UBE2E3: variants seen among roughly 807,000 people sequenced by gnomAD.
UBE2E3 encodes ubiquitin-conjugating enzyme E2 E3.
A neutral mutation model predicts 23.6 loss-of-function variants in UBE2E3; 5 were observed. The ratio of observed to expected loss-of-function variants is 0.21; its 90% CI spans 0.11 to 0.44. The LOEUF (loss-of-function observed/expected upper bound fraction) is 0.44, where lower values mean the gene tolerates loss of function less well. Ranked by LOEUF, UBE2E3 falls within the 20% of genes least tolerant of loss-of-function variation. UBE2E3 has a pLI of 0.99. For synonymous variants in UBE2E3, 78 were observed against 87.5 expected, an observed-to-expected ratio of 0.89 and a Z score of 0.60; for missense variants, 81 against 249.8, an observed-to-expected ratio of 0.32 and a Z score of 4.55.
intron 4 of UBE2E3, among the ~76,000 whole-genome samples, chr2:181,059,763 A>G (rs1687089052): frequency 6.6e-6 from 1 of 151,650 alleles, no homozygotes; most frequent in South Asian, 2.1e-4. Context: ...CTCCTCCCCC[A>G]CTAAACTAGT....
chr2:180,984,186 A>G, intron 3 of UBE2E3, 93 bp downstream of exon 3: 2 of 1,097,090 alleles, frequency 1.8e-6, no homozygotes, highest in Non-Finnish European at 2.6e-6. Flanking sequence ...CAGAGGAGAC[A>G]ACATTTGCTT....
intron 3 of UBE2E3, among the ~76,000 whole-genome samples, chr2:181,032,851 C>G (rs975079906): frequency 9.9e-5 from 15 of 152,246 alleles, no homozygotes; most frequent in Non-Finnish European, 1.6e-4. Context: ...GATACAAAAT[C>G]AATGTGCAAA....
intron 3 of UBE2E3, among the ~76,000 whole-genome samples, chr2:181,044,165 G>T (rs1344263811): frequency 6.6e-6 from 1 of 151,928 alleles, no homozygotes; most frequent in Non-Finnish European, 1.5e-5. Context: ...ACAATTTCTG[G>T]TCTTTGGTAG....
chr2:181,018,412 A>T (rs140524466), intron 3 of UBE2E3, among the ~76,000 whole-genome samples: 2,384 of 151,908 alleles, frequency 0.016, 35 homozygotes, highest in Non-Finnish European at 0.02. Context: ...TAATATTTTT[A>T]TCTGTGTATA....
chr2:180,999,762 T>A (rs768668261), intron 3 of UBE2E3, among the ~76,000 whole-genome samples: 1 of 152,226 alleles, frequency 6.6e-6, no homozygotes, highest in Non-Finnish European at 1.5e-5. Context: ...GCTTTACAAT[T>A]GAGTAACTGT....
chr2:181,014,277 T>A (rs1014741207), intron 3 of UBE2E3, among the ~76,000 whole-genome samples: 1 of 152,128 alleles, frequency 6.6e-6, no homozygotes, highest in African/African-American at 2.4e-5. Context: ...TTTGAGTTAC[T>A]TAAGGGATAT....
Position 181,062,782 on chromosome 2 carries a change from CT to C in UBE2E3, c.527-5del. On this transcript the variant is annotated splice_polypyrimidine_tract_variant and splice_region_variant and intron_variant, in intron 5 of 5. Transcript: ENST00000410062. ...AAAATAGCTTTTAATGTTCTTTCTG[CT>C]TTTCCAGCGGATCCTCTGGTTGGAA... 6.3e-7 allele frequency: 1 copy of C among 1,578,400 alleles called. No homozygotes were observed. The highest frequency in any genetic ancestry group is 8.7e-7 in the Non-Finnish European group (1 of 1,153,686).
chr2:180,980,367 G>T (rs1275371179), upstream of UBE2E3: 1 of 151,914 alleles, frequency 6.6e-6, no homozygotes, highest in African/African-American at 2.4e-5. This position sits in a 1 kb window ranked among gnomAD's most constrained non-coding sequence, Gnocchi z 5.5. Context: ...TCTGGCACAG[G>T]CTCCGCGGCC....
chr2:181,056,657 G>A (rs1012391710), intron 3 of UBE2E3, among the ~76,000 whole-genome samples: 3 of 151,712 alleles, frequency 2.0e-5, no homozygotes, highest in African/African-American at 7.3e-5. Flanking sequence ...CGCGTTTGGG[G>A]GTCAGATTTC....
intron 3 of UBE2E3, among the ~76,000 whole-genome samples, chr2:181,033,321 C>G (rs1301992569): frequency 2.0e-5 from 3 of 152,120 alleles, no homozygotes; most frequent in African/African-American, 7.2e-5. Flanking sequence ...GGTACTGGTA[C>G]CAAAACGGAG....
chr2:181,055,542 T>G (rs1213367181), intron 3 of UBE2E3, among the ~76,000 whole-genome samples: 1 of 151,728 alleles, frequency 6.6e-6, no homozygotes, highest in Non-Finnish European at 1.5e-5. Context: ...TACCTGGATT[T>G]TAGGACTGGA....
chr2:181,010,444 T>C (rs1380267463), intron 3 of UBE2E3, among the ~76,000 whole-genome samples: 1 of 152,132 alleles, frequency 6.6e-6, no homozygotes, highest in Non-Finnish European at 1.5e-5. Flanking sequence ...AGCATGTCAG[T>C]CTTATAATCT....
intron 3 of UBE2E3, among the ~76,000 whole-genome samples, chr2:180,997,548 T>A (rs926460037): frequency 1.3e-5 from 2 of 152,170 alleles, no homozygotes; most frequent in African/African-American, 4.8e-5. Flanking sequence ...TCCCTTCTCA[T>A]CTCCCCTAGG....
chr2:181,049,450 A>G (rs554932501), intron 3 of UBE2E3, among the ~76,000 whole-genome samples: 1 of 152,130 alleles, frequency 6.6e-6, no homozygotes, highest in East Asian at 1.9e-4. Context: ...ACTTGTAGAA[A>G]TGTTTTCATC....
In UBE2E3 at chr2:180,983,036, A is replaced by G. The variant is rs140444573; in HGVS notation, c.194+800A>G. Among the ~76,000 whole-genome samples the G allele has an allele frequency of 1.4e-3, 206 of 152,336 alleles. 1 individual carries two copies. Among genetic ancestry groups the G allele is most frequent in the African/African-American group, 4.7e-3 (195 of 41,578 alleles). ...TGATGGAGAAAAAAAGATTCTGTCAATGAGACTCTTATCAGTGGTAGTAGT... is the reference window on the plus strand; with the variant it reads ...TGATGGAGAAAAAAAGATTCTGTCAGTGAGACTCTTATCAGTGGTAGTAGT... On this transcript the variant is annotated intron_variant, in intron 2 of 5. Coordinates refer to ENST00000410062, the MANE Select transcript of UBE2E3 (RefSeq NM_006357.4).
Position 181,022,493 on chromosome 2 carries a change from C to T in UBE2E3, c.246-35200C>T, listed in dbSNP as rs192558959. ...TTATGTTTCTGTTGAAAAACATCTT[C>T]TCAGTGTATATTGTTGATTCATTAA... On this transcript the variant is annotated intron_variant, in intron 3 of 5. Coordinates refer to ENST00000410062, the MANE Select transcript of UBE2E3 (RefSeq NM_006357.4). 7.1e-3 allele frequency among the ~76,000 whole-genome samples: 1,082 copies of T among 151,944 alleles called. 14 individuals are homozygous for T. Among genetic ancestry groups the T allele is most frequent in the Non-Finnish European group, 8.6e-3 (583 of 67,948 alleles).
At position 181,003,137 on chromosome 2, in the gene UBE2E3, A is replaced by G. The variant is rs150679291; in HGVS notation, c.245+19044A>G. On this transcript the variant is annotated intron_variant, in intron 3 of 5. Transcript: ENST00000410062. Reference sequence around the variant, plus strand: ...TCACTTTTGTGACAGGAAGTATAATATATGTGCCTTAATTAGTATTCCCAG... The same window carrying G: ...TCACTTTTGTGACAGGAAGTATAATGTATGTGCCTTAATTAGTATTCCCAG... Among the ~76,000 whole-genome samples the G allele has an allele frequency of 2.3e-3, 356 of 152,334 alleles. 1 individual carries two copies. Among genetic ancestry groups the G allele is most frequent in the African/African-American group, 8.3e-3 (344 of 41,574 alleles).
intron 3 of UBE2E3, among the ~76,000 whole-genome samples, chr2:181,036,265 A>C (rs1465910146): frequency 1.3e-5 from 2 of 152,228 alleles, no homozygotes; most frequent in Non-Finnish European, 2.9e-5. Flanking sequence ...AGATCCACAC[A>C]TAAATGGTCA....
chr2:181,024,289 A>G (rs1685806584), intron 3 of UBE2E3, among the ~76,000 whole-genome samples: 1 of 152,140 alleles, frequency 6.6e-6, no homozygotes, highest in African/African-American at 2.4e-5. Flanking sequence ...GTGAGCTATG[A>G]ATTAATGTTA....
Sources: gnomAD v4.1 joint callset for allele counts (sites outside exome capture counted in the v4.1 genomes callset) on GRCh38, gnomAD v4.1.1 for gene constraint, Gnocchi (gnomAD v3.1) non-coding constraint, MANE v1.5 for transcripts, NCBI Gene and HGNC (gene_info 2026-07-23, HGNC 2026-07-21) for gene names.